The following ABCD2 variants were observed in gnomAD, a reference collection of about 807,000 sequenced individuals.
The protein encoded by ABCD2 is ATP binding cassette subfamily D member 2.
A neutral mutation model predicts 70.9 loss-of-function variants in ABCD2; 36 were observed. The ratio of observed to expected loss-of-function variants is 0.51; its 90% CI spans 0.39 to 0.67. ABCD2 has a LOEUF of 0.67. ABCD2 is among the 30% of genes least tolerant of loss of function. The pLI is 0.00. For synonymous variants in ABCD2, 304 were observed against 306.9 expected, an observed-to-expected ratio of 0.99 and a Z score of 0.10; for missense variants, 729 against 890.2, an observed-to-expected ratio of 0.82 and a Z score of 2.30.
chr12:39,546,786 AG>A (rs1941029816), downstream of ABCD2, among the ~76,000 whole-genome samples: 1 of 152,114 alleles, frequency 6.6e-6, no homozygotes. Context: ...GAAGCTAGAT[AG>A]GGTTTTGATA....
In ABCD2 at chr12:39,586,241, T is replaced by C. The variant is rs1941664917; in HGVS notation, c.1703A>G (p.Asp568Gly). 6.2e-7 allele frequency: 1 copy of C among 1,613,506 alleles called. No individual in the cohort carries two copies. The highest frequency in any genetic ancestry group is 1.3e-5 in the African/African-American group (1 of 74,910). ...TGTATAACCTTTATCATGCATATCA[T>C]CCACTGAATCAGGGTAAATGACTTG... ...RDQVIYPDSV[D>G]DMHDKGYTDQ... Residue 568 changes from aspartate to glycine, a missense_variant, in exon 7 of 10, where the codon GAT becomes GGT. Around this residue, in one of 3 missense-constraint regions of ABCD2, gnomAD observed 289 missense variants for 328.8 expected, o/e 0.88. Coordinates refer to ENST00000308666, the MANE Select transcript of ABCD2 (RefSeq NM_005164.4).
rs760297393 is a variant in ABCD2, at chr12:39,573,826, C to A, written c.1893G>T (p.Leu631Phe). ...TGACAGCACTGGTACATTCATCCAG[C>A]AAGGCATATTTTGGTCTTTTAAAAA... ...RMFYHKPKYA[L>F]LDECTSAVSI... Residue 631 changes from leucine (L) to phenylalanine (F), a missense_variant, in exon 9 of 10, where the codon TTG becomes TTT. Coordinates refer to ENST00000308666, the MANE Select transcript of ABCD2 (RefSeq NM_005164.4). 4 of 1,611,256 alleles carry A rather than the reference C, an allele frequency of 2.5e-6. 1 individual carries two copies. The South Asian group carries it at 4.4e-5, about 18-fold the overall frequency.
intron 3 of ABCD2, among the ~76,000 whole-genome samples, chr12:39,605,197 A>C (rs962579488): frequency 3.9e-5 from 6 of 152,072 alleles, no homozygotes; most frequent in Admixed American, 3.9e-4. Flanking sequence ...CAAATTTCTG[A>C]TTTGACCTCT....
Position 39,608,023 on chromosome 12 carries a change from C to T in ABCD2, c.1121-309G>A, listed in dbSNP as rs115505526. Among the ~76,000 whole-genome samples the T allele has an allele frequency of 4.7e-3, 712 of 152,016 alleles. 6 individuals carry two copies. Among genetic ancestry groups the T allele is most frequent in the African/African-American group, 0.016 (678 of 41,458 alleles). The stretch of plus-strand genomic sequence containing the variant: ...TCGCTACTAAAATTACAAAAATAAG[C>T]CAGATGTGGTGGCGCATGCTTGTAG... On this transcript the variant is annotated intron_variant, in intron 2 of 9. Coordinates refer to ENST00000308666, the MANE Select transcript of ABCD2 (RefSeq NM_005164.4).
chr12:39,555,295 G>C (rs1409417407), intron 9 of ABCD2, among the ~76,000 whole-genome samples: 1 of 151,998 alleles, frequency 6.6e-6, no homozygotes, highest in African/African-American at 2.4e-5. Flanking sequence ...TAGAATATGT[G>C]GCCTTTTGTG....
intron 9 of ABCD2, among the ~76,000 whole-genome samples, chr12:39,554,641 G>C (rs548348958): frequency 1.3e-5 from 2 of 152,130 alleles, no homozygotes; most frequent in South Asian, 4.1e-4. Context: ...ACAACTCTTT[G>C]ATAGAAGAAA....
chr12:39,551,555 G>A lies in ABCD2; in HGVS notation c.*2357C>T, dbSNP rs1941087828. On this transcript the variant is annotated 3_prime_UTR_variant, in exon 10 of 10. Coordinates refer to ENST00000308666, the MANE Select transcript of ABCD2 (RefSeq NM_005164.4). ...AAATCAGAGATGTTTTCCCTTCCAA[G>A]TTAAGGATGTTGGTCCTGAAAAATA... 6.6e-6 allele frequency: 1 copy of A among 151,690 alleles called. No individual in the cohort carries two copies. Among genetic ancestry groups the A allele is most frequent in the Admixed American group, 6.6e-5 (1 of 15,228 alleles). 9.4% of individuals were successfully genotyped at this position (151,690 alleles called of 1,614,324 possible).
At chr12:39,543,635 T>C in the ABCD2 span, among the ~76,000 whole-genome samples, 6 of 152,310 alleles carry the variant, frequency 3.9e-5, no homozygotes, top group South Asian at 2.1e-4. Flanking sequence ...TAGTAACCAG[T>C]AGGATCTGTT....
At chr12:39,585,967 T>C (rs1941659472) in intron 7 of ABCD2, among the ~76,000 whole-genome samples, 185 bp downstream of exon 7, 1 of 152,104 alleles carries the variant, frequency 6.6e-6, no homozygotes, top group African/African-American at 2.4e-5. Flanking sequence ...GTGTGTTGCA[T>C]TAAACACAAC....
At chr12:39,582,663 T>G (rs79146296) in intron 7 of ABCD2, among the ~76,000 whole-genome samples, 3,225 of 152,246 alleles carry the variant, frequency 0.021, 51 homozygotes, top group Non-Finnish European at 0.033. Context: ...AAACAAAAAA[T>G]CAATCTGCTT....
chr12:39,605,145 T>A (rs958815505), intron 3 of ABCD2, among the ~76,000 whole-genome samples: 2 of 152,074 alleles, frequency 1.3e-5, no homozygotes, highest in African/African-American at 4.8e-5. Flanking sequence ...AAACATAATA[T>A]ACAGATTTCA....
intron 2 of ABCD2, among the ~76,000 whole-genome samples, chr12:39,610,454 A>T (rs1364545385): frequency 6.6e-6 from 1 of 152,196 alleles, no homozygotes; most frequent in African/African-American, 2.4e-5. Context: ...ATTCTTAAAG[A>T]CATGTAAATG....
chr12:39,597,478 C>T (rs1317224045), intron 6 of ABCD2, among the ~76,000 whole-genome samples: 1 of 152,050 alleles, frequency 6.6e-6, no homozygotes, highest in Non-Finnish European at 1.5e-5. Flanking sequence ...CAAATCTCTC[C>T]TTAGGGACTT....
intron 6 of ABCD2, among the ~76,000 whole-genome samples, chr12:39,592,233 T>C (rs1344291040): frequency 6.6e-6 from 1 of 152,212 alleles, no homozygotes; most frequent in Non-Finnish European, 1.5e-5. Flanking sequence ...CTACTAAGCC[T>C]TCCTTGTGGT....
intron 5 of ABCD2, among the ~76,000 whole-genome samples, chr12:39,602,202 G>C (rs755450510): frequency 2.7e-5 from 4 of 150,014 alleles, no homozygotes; most frequent in Non-Finnish European, 4.4e-5. Flanking sequence ...TCTCAGGTTG[G>C]AGTGCAGTGG....
At chr12:39,536,710 G>A in the ABCD2 span, among the ~76,000 whole-genome samples, 1 of 152,122 alleles carries the variant, frequency 6.6e-6, no homozygotes, top group East Asian at 1.9e-4. Flanking sequence ...TGAGAGGTGA[G>A]CTGAAGGAGA....
At chr12:39,547,388 C>T (rs1244785606), downstream of ABCD2, among the ~76,000 whole-genome samples, 3 of 152,098 alleles carry the variant, frequency 2.0e-5, no homozygotes, top group Non-Finnish European at 4.4e-5. Context: ...CATATTCACA[C>T]AGCACTATTC....
At chr12:39,589,047 T>C (rs1340475609) in intron 6 of ABCD2, among the ~76,000 whole-genome samples, 4 of 152,166 alleles carry the variant, frequency 2.6e-5, no homozygotes, top group African/African-American at 9.7e-5. Flanking sequence ...CCCTGTTCTT[T>C]GAAAATATAC....
At chr12:39,618,233 C>T (rs887340325) in intron 1 of ABCD2, among the ~76,000 whole-genome samples, 1 of 152,066 alleles carries the variant, frequency 6.6e-6, no homozygotes, top group South Asian at 2.1e-4. Context: ...GGCTCTTCCC[C>T]CCTCTTGGAC....
Sources: allele counts gnomAD v4.1 joint callset (sites outside exome capture counted in the v4.1 genomes callset), GRCh38; gene constraint gnomAD v4.1.1; regional missense constraint gnomAD v4.1.1; transcripts MANE v1.5; gene names NCBI Gene and HGNC (gene_info 2026-07-23, HGNC 2026-07-21).